Variants in CNNM1 observed in about 807,000 individuals in gnomAD.
CNNM1 encodes cyclin and CBS domain divalent metal cation transport mediator 1.
Under a neutral mutation model 78.8 loss-of-function variants are expected in CNNM1, and 44 were observed. The ratio of observed to expected loss-of-function variants is 0.56; its 90% CI spans 0.44 to 0.72. The LOEUF (loss-of-function observed/expected upper bound fraction) is 0.72. CNNM1 is among the 30% of genes least tolerant of loss of function. The pLI, the probability that CNNM1 is intolerant of heterozygous loss-of-function variation, is 0.00. For synonymous variants in CNNM1, 584 were observed against 581.5 expected (o/e 1.00, Z -0.06); for missense variants, 1,101 against 1,292.2 (o/e 0.85, Z 2.27).
intron 1 of CNNM1, among the ~76,000 whole-genome samples, chr10:99,351,132 A>G (rs998922702): frequency 1.3e-5 from 2 of 152,230 alleles, no homozygotes; most frequent in African/African-American, 4.8e-5. Flanking sequence ...TAGGTAGAAC[A>G]CTGCCAGTAA....
intron 2 of CNNM1, among the ~76,000 whole-genome samples, chr10:99,358,819 T>C (rs2031321360): frequency 6.6e-6 from 1 of 151,862 alleles, no homozygotes; most frequent in East Asian, 1.9e-4. Context: ...GGCAACATGG[T>C]GAAACCCCAT....
chr10:99,355,490 C>T (rs1006036031), intron 1 of CNNM1, among the ~76,000 whole-genome samples: 7 of 152,164 alleles, frequency 4.6e-5, no homozygotes, highest in African/African-American at 1.7e-4. Flanking sequence ...TCCATAATAA[C>T]ATCTGAATCA....
chr10:99,342,008 G>T (rs766219499), intron 1 of CNNM1, among the ~76,000 whole-genome samples: 1 of 152,140 alleles, frequency 6.6e-6, no homozygotes, highest in African/African-American at 2.4e-5. Flanking sequence ...CTGGCTGACA[G>T]CTGTTAGTTC....
intron 6 of CNNM1, among the ~76,000 whole-genome samples, chr10:99,372,606 C>T (rs2031838289): frequency 1.3e-5 from 2 of 152,222 alleles, no homozygotes; most frequent in South Asian, 4.1e-4. Flanking sequence ...GGGAATTACA[C>T]AACTTGAACT....
intron 1 of CNNM1, among the ~76,000 whole-genome samples, chr10:99,346,490 T>C (rs2030701267): frequency 6.6e-6 from 1 of 152,212 alleles, no homozygotes. Flanking sequence ...CTATGACCTC[T>C]AAATGTTACA....
intron 1 of CNNM1, among the ~76,000 whole-genome samples, chr10:99,333,714 G>T (rs547108858): frequency 6.6e-6 from 1 of 152,174 alleles, no homozygotes; most frequent in African/African-American, 2.4e-5. Context: ...GTCCTCAGGA[G>T]GTTAGCAATA....
chr10:99,359,739 A>C (rs1037408021), intron 2 of CNNM1, among the ~76,000 whole-genome samples: 2 of 152,080 alleles, frequency 1.3e-5, no homozygotes, highest in African/African-American at 4.8e-5. Flanking sequence ...TTCTCACTGC[A>C]TCCACTCAGC....
At position 99,329,903 on chromosome 10, in the gene CNNM1, G is replaced by C; in HGVS notation, c.516G>C (p.Ala172=). 1 of 1,386,372 alleles carries C rather than the reference G, an allele frequency of 7.2e-7. No homozygotes were observed. The highest frequency in any genetic ancestry group is 9.3e-7 in the Non-Finnish European group (1 of 1,077,860). The allele number at this position is 1,386,372 out of a possible 1,614,324, so 85.9% of individuals were successfully genotyped here. Residue 172 remains alanine, a synonymous_variant, in exon 1 of 11, where the codon GCG becomes GCC. Coordinates refer to ENST00000356713, the MANE Select transcript of CNNM1 (RefSeq NM_020348.3). ...TGCGGGAGCTGCGCAAGGGCGAAGC[G>C]GAGCGGGGCGGCGCGGGCGGTGGCG... The part of the protein sequence containing the change: ...VRVRELRKGE[A]ERGGAGGGGK...
At chr10:99,359,076 A>G (rs1370271066) in intron 2 of CNNM1, among the ~76,000 whole-genome samples, 1 of 150,508 alleles carries the variant, frequency 6.6e-6, no homozygotes, top group Non-Finnish European at 1.5e-5. Context: ...AGCCATTCAC[A>G]CTAAGGTGTT....
intron 6 of CNNM1, among the ~76,000 whole-genome samples, chr10:99,365,786 C>A (rs1052091069): frequency 1.3e-5 from 2 of 152,216 alleles, no homozygotes; most frequent in African/African-American, 2.4e-5. Flanking sequence ...CAAATAGGGT[C>A]TTTCCTCTCA....
chr10:99,365,535 T>C (rs2031586590), intron 6 of CNNM1, among the ~76,000 whole-genome samples: 1 of 152,212 alleles, frequency 6.6e-6, no homozygotes, highest in Non-Finnish European at 1.5e-5. Flanking sequence ...GCCAGCTGGC[T>C]GTGCATGCTG....
chr10:99,390,876 A>G (rs1034115774), intron 10 of CNNM1, among the ~76,000 whole-genome samples: 2 of 152,258 alleles, frequency 1.3e-5, no homozygotes, highest in Admixed American at 1.3e-4. Context: ...AATGGTGGAG[A>G]GAACAAGGTG....
In CNNM1 at chr10:99,358,846, A is replaced by G. The variant is rs192275405; in HGVS notation, c.1717+1191A>G. ...AAACCCCATCTCTACAAAAAATACA[A>G]CAGTTAGCCAGGCGTGGTGACGTGT... On this transcript the variant is annotated intron_variant, in intron 2 of 10. Coordinates refer to ENST00000356713, the MANE Select transcript of CNNM1 (RefSeq NM_020348.3). 2.8e-3 allele frequency among the ~76,000 whole-genome samples: 421 copies of G among 151,960 alleles called. 3 individuals are homozygous for G. The highest frequency in any genetic ancestry group is 8.9e-3 in the African/African-American group (371 of 41,458).
At chr10:99,376,227 T>C (rs2031957456) in intron 6 of CNNM1, among the ~76,000 whole-genome samples, 1 of 152,134 alleles carries the variant, frequency 6.6e-6, no homozygotes, top group African/African-American at 2.4e-5. Context: ...CACATTTCAA[T>C]ATCCAGAATC....
chr10:99,331,899 C>T (rs2029932511), intron 1 of CNNM1, among the ~76,000 whole-genome samples: 1 of 152,170 alleles, frequency 6.6e-6, no homozygotes, highest in Non-Finnish European at 1.5e-5. Context: ...TTTCCTTCAG[C>T]GCAGTCACCA....
intron 6 of CNNM1, among the ~76,000 whole-genome samples, chr10:99,371,183 G>T (rs913726044): frequency 6.6e-6 from 1 of 152,092 alleles, no homozygotes; most frequent in Admixed American, 6.5e-5. Context: ...TGAGGCTAGG[G>T]GTCTCTGCAC....
chr10:99,391,564 G>A lies in CNNM1; in HGVS notation c.*48G>A. ...GGGTGTGTGAAATTCCAGAGCTTTG[G>A]GGGAGAATCCACCCTCCCATCATCT... On this transcript the variant is annotated 3_prime_UTR_variant, in exon 11 of 11. Transcript: ENST00000356713. 1 of 1,525,998 alleles carries A rather than the reference G, an allele frequency of 6.6e-7. No homozygotes were observed. Among genetic ancestry groups the A allele is most frequent in the Non-Finnish European group, 9.1e-7 (1 of 1,104,264 alleles). 94.5% of individuals were successfully genotyped at this position (1,525,998 alleles called of 1,614,324 possible). A position where few individuals can be genotyped will look rare whatever the true frequency, so the allele number is the denominator to read the frequency against.
At chr10:99,381,542 G>A (rs1327090398) in intron 7 of CNNM1, among the ~76,000 whole-genome samples, 1 of 151,992 alleles carries the variant, frequency 6.6e-6, no homozygotes, top group Admixed American at 6.6e-5. Context: ...AGGAGTTCAA[G>A]ACCACTCTGG....
intron 10 of CNNM1, among the ~76,000 whole-genome samples, chr10:99,390,928 C>T: frequency 6.6e-6 from 1 of 152,244 alleles, no homozygotes; most frequent in East Asian, 1.9e-4. Flanking sequence ...ACAGATTGCT[C>T]TCTCATCCTT....
Sources: allele counts gnomAD v4.1 joint callset (sites outside exome capture counted in the v4.1 genomes callset), GRCh38; gene constraint gnomAD v4.1.1; transcripts MANE v1.5; gene names NCBI Gene and HGNC (gene_info 2026-07-23, HGNC 2026-07-21).